PDZD2: variants seen among roughly 807,000 people sequenced by gnomAD.
PDZD2 encodes PDZ domain containing 2, also known as PDZ domain-containing protein 2.
Under a neutral mutation model 220.7 loss-of-function variants are expected in PDZD2, and 90 were observed. That is an observed-to-expected ratio of 0.41 (90% CI 0.34 to 0.49). PDZD2 has a LOEUF of 0.49. PDZD2 is among the 20% of genes least tolerant of loss of function. The probability of loss-of-function intolerance (pLI) is 0.28; values close to 1 mark genes in which losing one functional copy is unlikely to be tolerated. For missense variants in PDZD2, 3,174 were observed against 3,608.5 expected (o/e 0.88, Z 3.08); for synonymous variants, 1,375 against 1,450.5 (o/e 0.95, Z 1.18).
intron 2 of PDZD2, among the ~76,000 whole-genome samples, chr5:31,910,985 C>A (rs537721799): frequency 6.6e-6 from 1 of 152,046 alleles, no homozygotes; most frequent in Non-Finnish European, 1.5e-5. Context: ...CTAAAATTCC[C>A]ATTGATATGA....
chr5:32,015,534 G>T (rs1339550185), intron 6 of PDZD2, among the ~76,000 whole-genome samples: 4 of 152,178 alleles, frequency 2.6e-5, no homozygotes, highest in African/African-American at 9.7e-5. Flanking sequence ...TTACAGAAGT[G>T]AGCCACCTCG....
In PDZD2 at chr5:32,082,291, G is replaced by C. The variant is rs57301937; in HGVS notation, c.3682+4685G>C. Among the ~76,000 whole-genome samples the C allele has an allele frequency of 2.8e-3, 420 of 152,152 alleles. 2 individuals are homozygous for C. Among genetic ancestry groups the C allele is most frequent in the African/African-American group, 9.9e-3 (409 of 41,506 alleles). The stretch of plus-strand genomic sequence containing the variant: ...CCCACCTCAGCCTCCCAAAGTGCTG[G>C]GATTACAGGCATAAGCCGCTGCGCC... On this transcript the variant is annotated intron_variant, in intron 19 of 24. Coordinates refer to ENST00000438447, the MANE Select transcript of PDZD2 (RefSeq NM_178140.4).
chr5:31,936,304 G>A, intron 2 of PDZD2: 1 of 987,680 alleles, frequency 1.0e-6, no homozygotes, highest in Non-Finnish European at 1.2e-6. Context: ...AGAGGCTGCT[G>A]AAGCACAGCA....
Position 32,088,198 on chromosome 5 carries a change from G to A in PDZD2, c.4750G>A (p.Val1584Met). 6.2e-7 allele frequency: 1 copy of A among 1,614,110 alleles called. No individual in the cohort carries two copies. Among genetic ancestry groups the A allele is most frequent in the Non-Finnish European group, 8.5e-7 (1 of 1,180,002 alleles). The change falls in exon 20 of 25, where the codon GTG becomes ATG. Residue 1584 changes from valine (V) to methionine (M), a missense_variant. Transcript: ENST00000438447. The surrounding 1 kb of genome is among the most constrained non-coding windows in gnomAD (Gnocchi z 4.6). ...CGGCTGGTCCCCTCCTCGTTCCCGT[G>A]TGTCTTTGCACAAGGAAGATCCTTC... is the stretch of plus-strand genomic sequence containing the variant. Reference protein sequence around the residue: ...RDGWSPPRSRVSLHKEDPSES... With the variant: ...RDGWSPPRSRMSLHKEDPSES...
At chr5:32,022,201 T>G (rs200178090) in intron 6 of PDZD2, among the ~76,000 whole-genome samples, 1 of 133,240 alleles carries the variant, frequency 7.5e-6, no homozygotes, top group Non-Finnish European at 1.6e-5. Context: ...TTGTTTTTTG[T>G]TTTTTTTTGG....
In PDZD2 at chr5:32,098,253, A is replaced by T; in HGVS notation, c.7948-111A>T. 2.7e-6 allele frequency: 3 copies of T among 1,098,694 alleles called. No individual in the cohort carries two copies. The highest frequency in any genetic ancestry group is 3.9e-6 in the Non-Finnish European group (3 of 769,980). The allele number at this position is 1,098,694 out of a possible 1,614,324, so 68.1% of individuals were successfully genotyped here. A position where few individuals can be genotyped will look rare whatever the true frequency, so the allele number is the denominator to read the frequency against. ...CGAGACTCCCTCTCAAAAAATAAAA[A>T]TAAAAAAGGAAGGTTCCTTTACTAC... On this transcript the variant is annotated intron_variant, in intron 22 of 24. Transcript: ENST00000438447. The surrounding 1 kb of genome is among the most constrained non-coding windows in gnomAD (Gnocchi z 4.1).
At chr5:32,030,810 C>T (rs1189916805) in intron 6 of PDZD2, among the ~76,000 whole-genome samples, 1 of 152,188 alleles carries the variant, frequency 6.6e-6, no homozygotes, top group African/African-American at 2.4e-5. Flanking sequence ...TATTCTCCTC[C>T]TGCCAGGCCC....
intron 1 of PDZD2, among the ~76,000 whole-genome samples, chr5:31,776,625 A>ATTTT (rs751477295): frequency 1.6e-5 from 2 of 126,404 alleles, no homozygotes; most frequent in African/African-American, 6.6e-5. Flanking sequence ...CTTATTTTTT[A>ATTTT]TTTTATTTAT....
chr5:31,645,991 G>A (rs1287998415), intron 1 of PDZD2, among the ~76,000 whole-genome samples: 1 of 151,954 alleles, frequency 6.6e-6, no homozygotes, highest in East Asian at 1.9e-4. Context: ...GAGGCCTCCG[G>A]GCATCCCCAG....
At position 31,970,615 on chromosome 5, in the gene PDZD2, C is replaced by A. The variant is rs1210710056; in HGVS notation, c.477-12540C>A. 2.6e-5 allele frequency among the ~76,000 whole-genome samples: 4 copies of A among 152,006 alleles called. No individual in the cohort carries two copies. In the East Asian group the frequency reaches 7.7e-4, roughly 29 times the overall value. On this transcript the variant is annotated intron_variant, in intron 2 of 24. Coordinates refer to ENST00000438447, the MANE Select transcript of PDZD2 (RefSeq NM_178140.4). ...AAGATGCAGTGAGCCGATATCACGC[C>A]ACTGCACTCCAGCCTGGGTGACAGA... is the stretch of plus-strand genomic sequence containing the variant.
At chr5:31,708,157 C>A (rs115141072) in intron 1 of PDZD2, among the ~76,000 whole-genome samples, 28 of 152,284 alleles carry the variant, frequency 1.8e-4, no homozygotes, top group African/African-American at 6.7e-4. Flanking sequence ...GGCGTTTTCA[C>A]TGTATCTTTT....
At chr5:32,100,881 G>A (rs1744190871) in intron 23 of PDZD2, 11 of 1,577,298 alleles carry the variant, frequency 7.0e-6, no homozygotes, top group East Asian at 2.3e-5. Flanking sequence ...AACAAAGGAT[G>A]CAAGTACAGC....
chr5:31,794,326 G>C (rs1478355827), intron 1 of PDZD2, among the ~76,000 whole-genome samples: 1 of 151,352 alleles, frequency 6.6e-6, no homozygotes, highest in Non-Finnish European at 1.5e-5. Context: ...GCACATGATA[G>C]ACACTCAATC....
At chr5:32,064,837 G>A (rs1452015217) in intron 14 of PDZD2, among the ~76,000 whole-genome samples, 3 of 151,172 alleles carry the variant, frequency 2.0e-5, no homozygotes, top group Non-Finnish European at 2.9e-5. Flanking sequence ...GTGTGCTGGC[G>A]GCTGCCTGTA....
At chr5:31,951,634 T>C (rs1316981955) in intron 2 of PDZD2, among the ~76,000 whole-genome samples, 1 of 152,264 alleles carries the variant, frequency 6.6e-6, no homozygotes, top group Non-Finnish European at 1.5e-5. Flanking sequence ...TGCTGAATAG[T>C]ATTCCTTTGT....
chr5:32,002,981 ACACACACCC>A (rs1160500875), intron 5 of PDZD2, among the ~76,000 whole-genome samples: 10 of 122,936 alleles, frequency 8.1e-5, no homozygotes, highest in African/African-American at 1.8e-4. Flanking sequence ...CACACACACC[ACACACACCC>A]CACACACCAA....
At chr5:31,924,865 T>C (rs4867090) in intron 2 of PDZD2, among the ~76,000 whole-genome samples, 141,471 of 152,304 alleles carry the variant, frequency 0.93, 65,840 homozygotes, top group African/African-American at 0.98. Context: ...TCCTTCTGCC[T>C]AGTAGAGTGT....
chr5:31,969,499 GCC>G (rs1749070417), intron 2 of PDZD2, among the ~76,000 whole-genome samples: 1 of 44,460 alleles, frequency 2.2e-5, no homozygotes, highest in Non-Finnish European at 4.2e-5. Flanking sequence ...ACAGAGCAAG[GCC>G]CCCTCTCCAA....
chr5:31,760,961 G>A (rs1397388321), intron 1 of PDZD2, among the ~76,000 whole-genome samples: 1 of 152,114 alleles, frequency 6.6e-6, no homozygotes. Context: ...AACATTTGTT[G>A]AGTGGAAGAG....
Sources: gnomAD v4.1 joint callset for allele counts (sites outside exome capture counted in the v4.1 genomes callset) on GRCh38, gnomAD v4.1.1 for gene constraint, Gnocchi (gnomAD v3.1) non-coding constraint, MANE v1.5 for transcripts, NCBI Gene and HGNC (gene_info 2026-07-23, HGNC 2026-07-21) for gene names.